The following CHD9 variants were observed in gnomAD, a reference collection of about 807,000 sequenced individuals.
CHD9 encodes ATP-dependent chromatin remodeler CHD9.
Under a neutral mutation model 316.1 loss-of-function variants are expected in CHD9, and 77 were observed. The observed-to-expected ratio is 0.24, with a 90% confidence interval of 0.20 to 0.29. CHD9 has a LOEUF of 0.29. Among genes scored for constraint, CHD9 ranks in the 10% least tolerant of loss-of-function variants. CHD9 has a pLI of 1.00. For missense variants in CHD9, 2,763 were observed against 3,438.1 expected, an observed-to-expected ratio of 0.80 and a Z score of 4.91; for synonymous variants, 1,129 against 1,158.3, an observed-to-expected ratio of 0.97 and a Z score of 0.51.
Position 53,083,997 on chromosome 16 carries a change from G to A in CHD9, c.-165+28920G>A, listed in dbSNP as rs9925146. On this transcript the variant is annotated intron_variant, in intron 1 of 38. Coordinates refer to ENST00000447540, the MANE Select transcript of CHD9 (RefSeq NM_001308319.2). ...AACTCCTGGCTCAAATGATCCTCCCGCCTCAGCCTCTTAAAGTTCTGGGAT... is the reference window on the plus strand; with the variant it reads ...AACTCCTGGCTCAAATGATCCTCCCACCTCAGCCTCTTAAAGTTCTGGGAT... Among the ~76,000 whole-genome samples, 1,438 of 151,812 alleles carry A rather than the reference G, an allele frequency of 9.5e-3. 22 individuals are homozygous for A. The highest frequency in any genetic ancestry group is 0.033 in the African/African-American group (1,355 of 41,388).
At position 53,158,321 on chromosome 16, in the gene CHD9, G is replaced by A. The variant is rs555885733; in HGVS notation, c.1452+780G>A. 2.6e-5 allele frequency among the ~76,000 whole-genome samples: 4 copies of A among 152,212 alleles called. No individual in the cohort carries two copies. In the East Asian group the frequency reaches 5.8e-4, roughly 22 times the overall value. ...AAGCATAGCTCATTATTGTAATCAC[G>A]ATAGACCATAGGCACTAAAAAGATT... is the stretch of plus-strand genomic sequence containing the variant. On this transcript the variant is annotated intron_variant, in intron 2 of 38. Coordinates refer to ENST00000447540, the MANE Select transcript of CHD9 (RefSeq NM_001308319.2).
chr16:53,147,290 G>A (rs537785372), intron 1 of CHD9, among the ~76,000 whole-genome samples: 2 of 152,324 alleles, frequency 1.3e-5, no homozygotes, highest in East Asian at 3.9e-4. Flanking sequence ...ATATTGAGCA[G>A]AGGGAACAGT....
intron 20 of CHD9, among the ~76,000 whole-genome samples, chr16:53,264,413 T>A (rs1176753185): frequency 6.6e-6 from 1 of 152,098 alleles, no homozygotes; most frequent in African/African-American, 2.4e-5. Context: ...ACATTCATAC[T>A]GTCTAATGCA....
intron 19 of CHD9, among the ~76,000 whole-genome samples, chr16:53,260,652 T>C (rs1028937222): frequency 1.3e-5 from 2 of 152,018 alleles, no homozygotes; most frequent in Non-Finnish European, 2.9e-5. Flanking sequence ...CTAACATGAG[T>C]CTTACAGGGA....
intron 18 of CHD9, 123 bp downstream of exon 18, chr16:53,254,728 G>A (rs2050433521): frequency 3.8e-6 from 3 of 785,234 alleles, no homozygotes; most frequent in Non-Finnish European, 5.8e-6. Context: ...TTCTGCAGGG[G>A]AACATTTTCA....
At chr16:53,236,114 TTAA>T (rs1458161658) in intron 11 of CHD9, among the ~76,000 whole-genome samples, 1 of 152,194 alleles carries the variant, frequency 6.6e-6, no homozygotes, top group African/African-American at 2.4e-5. Flanking sequence ...TTTCCAAATA[TTAA>T]TCATCATTTT....
intron 20 of CHD9, among the ~76,000 whole-genome samples, chr16:53,266,551 T>G (rs2051717112): frequency 6.6e-6 from 1 of 152,208 alleles, no homozygotes; most frequent in African/African-American, 2.4e-5. Context: ...TTTCTCTGAC[T>G]GTGATACCTC....
intron 17 of CHD9, among the ~76,000 whole-genome samples, chr16:53,253,832 G>A (rs978857126): frequency 1.3e-5 from 2 of 152,036 alleles, no homozygotes; most frequent in East Asian, 1.9e-4. Flanking sequence ...TATAAAATCT[G>A]TTCATAGGTT....
chr16:53,253,526 TCA>T (rs1353829806), intron 17 of CHD9, among the ~76,000 whole-genome samples: 1 of 152,090 alleles, frequency 6.6e-6, no homozygotes, highest in Non-Finnish European at 1.5e-5. Flanking sequence ...CACCAAAATC[TCA>T]CAAATTACTA....
intron 3 of CHD9, among the ~76,000 whole-genome samples, chr16:53,218,551 C>G (rs1016712891): frequency 8.6e-5 from 13 of 151,936 alleles, no homozygotes; most frequent in Non-Finnish European, 1.6e-4. Flanking sequence ...AATCATTAAC[C>G]CTTATGCTAT....
At chr16:53,297,245 T>A in intron 30 of CHD9, 87 bp downstream of exon 30, 1 of 965,256 alleles carries the variant, frequency 1.0e-6, no homozygotes, top group Non-Finnish European at 1.6e-6. Context: ...CTCTTTTATG[T>A]GAAATTTCAA....
intron 18 of CHD9, 26 bp from the exon 19 acceptor site, chr16:53,255,574 T>C (rs2050521743): frequency 1.3e-6 from 2 of 1,595,740 alleles, no homozygotes; most frequent in East Asian, 2.2e-5. Context: ...AAAAAACTAT[T>C]TTTATGGAAG....
At chr16:53,321,461 A>G in intron 37 of CHD9, 65 bp from the exon 38 acceptor site, 2 of 1,459,034 alleles carry the variant, frequency 1.4e-6, no homozygotes, top group South Asian at 1.5e-5. Context: ...AGAGCATACA[A>G]TAAAAGCAAT....
At chr16:53,227,487 T>C in intron 6 of CHD9, 23 bp downstream of exon 6, 1 of 1,503,702 alleles carries the variant, frequency 6.7e-7, no homozygotes, top group Non-Finnish European at 9.0e-7. Context: ...ACATTACATT[T>C]TACACTTCAT....
intron 4 of CHD9, 115 bp from the exon 5 acceptor site, chr16:53,226,251 T>C: frequency 1.6e-6 from 1 of 631,748 alleles, no homozygotes; most frequent in Non-Finnish European, 2.6e-6. Context: ...AGATAGTACA[T>C]TGAGTGTCAT....
chr16:53,071,157 T>G (rs1348152441), intron 1 of CHD9, among the ~76,000 whole-genome samples: 1 of 152,240 alleles, frequency 6.6e-6, no homozygotes, highest in Non-Finnish European at 1.5e-5. Flanking sequence ...CTTCTTTAAC[T>G]TCTTTCACCA....
intron 2 of CHD9, among the ~76,000 whole-genome samples, chr16:53,193,874 A>G (rs1474910156): frequency 2.0e-5 from 3 of 152,204 alleles, no homozygotes; most frequent in Admixed American, 6.5e-5. Context: ...AGAGATACAA[A>G]TTGAATGTGA....
At chr16:53,091,252 G>A (rs929837890) in intron 1 of CHD9, among the ~76,000 whole-genome samples, 3 of 152,230 alleles carry the variant, frequency 2.0e-5, no homozygotes, top group Admixed American at 6.5e-5. Flanking sequence ...ATAGAACTGA[G>A]CTGCCAAGAA....
At chr16:53,276,841 G>T (rs538465612) in intron 24 of CHD9, among the ~76,000 whole-genome samples, 61 of 152,066 alleles carry the variant, frequency 4.0e-4, no homozygotes, top group African/African-American at 1.5e-3. Flanking sequence ...CCTTTAAAAA[G>T]TTGCCTGTAT....
Sources: gnomAD v4.1 joint callset for allele counts (sites outside exome capture counted in the v4.1 genomes callset) on GRCh38, gnomAD v4.1.1 for gene constraint, MANE v1.5 for transcripts, NCBI Gene and HGNC (gene_info 2026-07-23, HGNC 2026-07-21) for gene names.